Variants in ZNF581 observed in about 807,000 individuals in gnomAD.
ZNF581 encodes zinc finger protein 581.
In ZNF581, 1 loss-of-function variant was observed where a neutral mutation model predicts 1.2. The ratio of observed to expected loss-of-function variants is 0.83; its 90% CI spans 0.30 to 3.95. The LOEUF (loss-of-function observed/expected upper bound fraction) is 3.95, where lower values mean the gene tolerates loss of function less well. ZNF581 is among the 30% of genes most tolerant of loss of function. ZNF581 has a pLI of 0.18. For missense variants in ZNF581, 273 were observed against 274.6 expected, an observed-to-expected ratio of 0.99 and a Z score of 0.04; for synonymous variants, 105 against 109.2, an observed-to-expected ratio of 0.96 and a Z score of 0.24.
At position 55,644,216 on chromosome 19, in the gene ZNF581, G is replaced by A. The variant is rs756673152; in HGVS notation, c.-19-337G>A. 1.7e-4 allele frequency among the ~76,000 whole-genome samples: 26 copies of A among 151,984 alleles called. No individual in the cohort carries two copies. Among genetic ancestry groups the A allele is most frequent in the Non-Finnish European group, 3.4e-4 (23 of 67,974 alleles). The stretch of plus-strand genomic sequence containing the variant: ...AAGGGCTAGAAGGAGGGGAGGGAGA[G>A]GCCTGGAGGCCTGCGGGGTGGGGCA... On this transcript the variant is annotated intron_variant, in intron 1 of 1. Coordinates refer to ENST00000270451, the MANE Select transcript of ZNF581 (RefSeq NM_016535.4). The surrounding 1 kb of genome is among the most constrained non-coding windows in gnomAD (Gnocchi z 4.3).
Position 55,644,803 on chromosome 19 carries a change from A to G in ZNF581, c.232A>G (p.Ser78Gly). Reference protein sequence around the residue: ...DEESQREPGASGAPGQKKCYS... With the variant: ...DEESQREPGAGGAPGQKKCYS... ...GGAGTCACAGAGGGAGCCAGGGGCC[A>G]GTGGGGCTCCAGGCCAGAAAAAGTG... Residue 78 changes from serine to glycine, a missense_variant, in exon 2 of 2, where the codon AGT becomes GGT. Coordinates refer to ENST00000270451, the MANE Select transcript of ZNF581 (RefSeq NM_016535.4). This position sits in a 1 kb window ranked among gnomAD's most constrained non-coding sequence, Gnocchi z 4.3. The G allele has an allele frequency of 6.2e-7, 1 of 1,612,692 alleles. No homozygotes were observed.
At chr19:55,637,824 C>T (rs1362382516), upstream of ZNF581, among the ~76,000 whole-genome samples, 2 of 152,204 alleles carry the variant, frequency 1.3e-5, no homozygotes, top group Non-Finnish European at 2.9e-5. Context: ...AACAGGGATC[C>T]TCATGGTGCT....
upstream of ZNF581, chr19:55,641,234 G>T: frequency 3.1e-6 from 3 of 975,254 alleles, no homozygotes; most frequent in South Asian, 4.7e-5. Context: ...CGACGCCGGG[G>T]CCAGGCAGGC....
chr19:55,636,102 C>T (rs1359210595), upstream of ZNF581, among the ~76,000 whole-genome samples: 2 of 152,148 alleles, frequency 1.3e-5, no homozygotes, highest in African/African-American at 2.4e-5. Context: ...CTGAGAAACT[C>T]GGACTTGGTC....
upstream of ZNF581, chr19:55,641,144 C>T (rs1015623145): frequency 1.2e-5 from 12 of 985,414 alleles, no homozygotes; most frequent in African/African-American, 1.4e-4. Flanking sequence ...CGCCCGGGAC[C>T]TCGGCCCGTT....
chr19:55,636,449 G>A (rs984832502), upstream of ZNF581, among the ~76,000 whole-genome samples: 11 of 152,168 alleles, frequency 7.2e-5, no homozygotes, highest in African/African-American at 2.7e-4. Flanking sequence ...TTGGGGTTGA[G>A]CAGGGGTTCT....
rs1600049643 is a variant in ZNF581, at chr19:55,644,453, A to G, written c.-19-100A>G. ...GAGGGACTGAGGGGCAGCAGGATGC[A>G]GAGGTCCTGGGCCGGGTATAGGGAG... On this transcript the variant is annotated intron_variant, in intron 1 of 1. Coordinates refer to ENST00000270451, the MANE Select transcript of ZNF581 (RefSeq NM_016535.4). The surrounding 1 kb of genome is among the most constrained non-coding windows in gnomAD (Gnocchi z 4.3). 20 of 730,246 alleles carry G rather than the reference A, an allele frequency of 2.7e-5. No homozygotes were observed. The South Asian group carries it at 3.4e-4, about 12-fold the overall frequency. 45.2% of individuals were successfully genotyped at this position (730,246 alleles called of 1,614,324 possible).
At chr19:55,636,862 G>A (rs1341553432), upstream of ZNF581, among the ~76,000 whole-genome samples, 1 of 152,138 alleles carries the variant, frequency 6.6e-6, no homozygotes, top group Non-Finnish European at 1.5e-5. Context: ...GAGGGGAGGA[G>A]CTAGCACAAA....
chr19:55,644,183 A>G lies in ZNF581; in HGVS notation c.-19-370A>G, dbSNP rs1982714907. Among the ~76,000 whole-genome samples, 2 of 146,642 alleles carry G rather than the reference A, an allele frequency of 1.4e-5. No individual in the cohort carries two copies. Among genetic ancestry groups the G allele is most frequent in the Non-Finnish European group, 3.0e-5 (2 of 66,634 alleles). On this transcript the variant is annotated intron_variant, in intron 1 of 1. Transcript: ENST00000270451. This position sits in a 1 kb window ranked among gnomAD's most constrained non-coding sequence, Gnocchi z 4.3. ...GTATGTAGCATAGGCCAACACGCAG[A>G]CCCTGGAAAGGGCTAGAAGGAGGGG...
chr19:55,642,401 G>A (rs1179934452), upstream of ZNF581: 6 of 1,345,460 alleles, frequency 4.5e-6, no homozygotes, highest in African/African-American at 4.5e-5. Flanking sequence ...CGCACAAAGG[G>A]TAACAAGCAG....
At chr19:55,638,482 G>A (rs781173139), upstream of ZNF581, among the ~76,000 whole-genome samples, 18 of 152,080 alleles carry the variant, frequency 1.2e-4, no homozygotes, top group Non-Finnish European at 2.5e-4. Context: ...TAATCTGCCC[G>A]CCTCGCCCTC....
exon 1 of ZNF581, chr19:55,635,580 A>G: frequency 1.3e-6 from 1 of 752,264 alleles, no homozygotes; most frequent in Non-Finnish European, 1.6e-6. Context: ...CGTTGAGAGG[A>G]TTCATCGAGA....
At chr19:55,640,364 C>T (rs1982378070), upstream of ZNF581, 1 of 985,372 alleles carries the variant, frequency 1.0e-6, no homozygotes, top group African/African-American at 1.7e-5. Context: ...CAGTGGGCCC[C>T]GTGGGCAGTG....
upstream of ZNF581, among the ~76,000 whole-genome samples, chr19:55,637,387 A>AT (rs1334967398): frequency 6.6e-6 from 1 of 152,140 alleles, no homozygotes; most frequent in African/African-American, 2.4e-5. Flanking sequence ...ATTACAAAAA[A>AT]TTAGCCGGCC....
chr19:55,640,827 C>A, upstream of ZNF581: 1 of 985,480 alleles, frequency 1.0e-6, no homozygotes, highest in Non-Finnish European at 1.2e-6. Flanking sequence ...TGTCAAGCGG[C>A]GGAATCGTTC....
upstream of ZNF581, chr19:55,642,211 G>C (rs1243274633): frequency 3.4e-6 from 4 of 1,175,560 alleles, no homozygotes; most frequent in Admixed American, 1.4e-4. Context: ...GGGAAGAAAA[G>C]TCGGGGGACT....
chr19:55,641,165 C>G, upstream of ZNF581: 1 of 985,394 alleles, frequency 1.0e-6, no homozygotes, highest in Non-Finnish European at 1.2e-6. Context: ...CCTCCGGACC[C>G]GAGAGGCCGC....
At chr19:55,640,553 A>G, upstream of ZNF581, 3 of 985,476 alleles carry the variant, frequency 3.0e-6, no homozygotes, top group Non-Finnish European at 3.6e-6. Context: ...ACTATCTGGC[A>G]GCGTCTGGCC....
upstream of ZNF581, among the ~76,000 whole-genome samples, chr19:55,639,002 T>A (rs1187429036): frequency 1.6e-4 from 9 of 56,608 alleles, no homozygotes; most frequent in East Asian, 4.3e-3. Flanking sequence ...CAAGACTCCA[T>A]CTCCAAAAAA....
Sources: gnomAD v4.1 joint callset for allele counts (sites outside exome capture counted in the v4.1 genomes callset) on GRCh38, gnomAD v4.1.1 for gene constraint, Gnocchi (gnomAD v3.1) non-coding constraint, MANE v1.5 for transcripts, NCBI Gene and HGNC (gene_info 2026-07-23, HGNC 2026-07-21) for gene names.